The following YES1 variants were observed in gnomAD, a reference collection of about 807,000 sequenced individuals.
The protein encoded by YES1 is YES proto-oncogene 1, Src family tyrosine kinase, also known as tyrosine-protein kinase Yes.
Under a neutral mutation model 70.4 loss-of-function variants are expected in YES1, and 39 were observed. That is an observed-to-expected ratio of 0.55 (90% CI 0.43 to 0.72). The LOEUF (loss-of-function observed/expected upper bound fraction) is 0.72. Ranked by LOEUF, YES1 falls within the 30% of genes least tolerant of loss-of-function variation. The probability of loss-of-function intolerance (pLI) is 0.00; values close to 1 mark genes in which losing one functional copy is unlikely to be tolerated. For synonymous variants in YES1, 198 were observed against 218.6 expected, an observed-to-expected ratio of 0.91 and a Z score of 0.83; for missense variants, 495 against 644.8, an observed-to-expected ratio of 0.77 and a Z score of 2.52.
chr18:786,256 TG>T (rs1299791592), intron 1 of YES1, among the ~76,000 whole-genome samples: 1 of 12,544 alleles, frequency 8.0e-5, no homozygotes, highest in Non-Finnish European at 1.4e-4. Flanking sequence ...AGATAGAAGA[TG>T]GGGTGGGGGT....
chr18:755,201 C>T (rs112622843), intron 2 of YES1, among the ~76,000 whole-genome samples: 1,939 of 151,916 alleles, frequency 0.013, 15 homozygotes, highest in Admixed American at 0.02. Flanking sequence ...TGCATAACTC[C>T]CTAAATGAAG....
In YES1 at chr18:763,272, T is replaced by C. The variant is rs149152590; in HGVS notation, c.-8-6437A>G. On this transcript the variant is annotated intron_variant, in intron 1 of 11. Transcript: ENST00000314574. Reference sequence around the variant, plus strand: ...GCATTAGGAATCCAGAATTTTTGTTTTGAGGAATAGCAGAAGATATGTGTT... The same window carrying C: ...GCATTAGGAATCCAGAATTTTTGTTCTGAGGAATAGCAGAAGATATGTGTT... Among the ~76,000 whole-genome samples the C allele has an allele frequency of 5.3e-4, 81 of 152,232 alleles. 1 individual carries two copies. The highest frequency in any genetic ancestry group is 1.2e-3 in the African/African-American group (51 of 41,546).
At chr18:808,609 GTAAA>G (rs1215785859) in intron 1 of YES1, among the ~76,000 whole-genome samples, 1 of 152,164 alleles carries the variant, frequency 6.6e-6, no homozygotes, top group Non-Finnish European at 1.5e-5. Context: ...AAAACTTCCT[GTAAA>G]TATTCACACA....
chr18:773,460 C>A (rs1042919867), intron 1 of YES1, among the ~76,000 whole-genome samples: 2 of 152,104 alleles, frequency 1.3e-5, no homozygotes, highest in African/African-American at 4.8e-5. Flanking sequence ...CTTGTCACCC[C>A]CTAAAAGAAG....
intron 1 of YES1, among the ~76,000 whole-genome samples, chr18:797,633 T>A (rs139988031): frequency 6.6e-6 from 1 of 152,208 alleles, no homozygotes; most frequent in Non-Finnish European, 1.5e-5. Context: ...TCTAAACAAC[T>A]GTTAAAAATT....
At chr18:739,650 C>T (rs777029807) in intron 9 of YES1, 85 bp downstream of exon 9, 13 of 1,067,442 alleles carry the variant, frequency 1.2e-5, no homozygotes, top group Non-Finnish European at 1.7e-5. Flanking sequence ...CATTTCACTA[C>T]ACATACTATA....
At chr18:734,433 C>T (rs1257760933) in intron 10 of YES1, among the ~76,000 whole-genome samples, 1 of 150,904 alleles carries the variant, frequency 6.6e-6, no homozygotes, top group Admixed American at 6.6e-5. Context: ...GTGGCAGGCA[C>T]CTGTAGTCCC....
At chr18:799,144 T>G (rs895152377) in intron 1 of YES1, among the ~76,000 whole-genome samples, 1 of 152,202 alleles carries the variant, frequency 6.6e-6, no homozygotes, top group African/African-American at 2.4e-5. Flanking sequence ...CTTTCAAATA[T>G]TCTAACCACA....
At chr18:781,055 G>T (rs1032108599) in intron 1 of YES1, among the ~76,000 whole-genome samples, 1 of 152,082 alleles carries the variant, frequency 6.6e-6, no homozygotes, top group African/African-American at 2.4e-5. Context: ...ATCACCTGAG[G>T]TCAGGAGTTT....
chr18:748,114 AT>A, intron 3 of YES1, 96 bp from the exon 4 acceptor site: 1 of 912,828 alleles, frequency 1.1e-6, no homozygotes, highest in South Asian at 1.8e-5. Flanking sequence ...AACAAAGGGT[AT>A]TACTTTCATT....
At chr18:780,356 T>G (rs1163674706) in intron 1 of YES1, among the ~76,000 whole-genome samples, 2 of 152,186 alleles carry the variant, frequency 1.3e-5, no homozygotes, top group African/African-American at 4.8e-5. Flanking sequence ...TATGGATTAC[T>G]AAAGGATAAA....
At chr18:809,209 T>G (rs1024418716) in intron 1 of YES1, among the ~76,000 whole-genome samples, 1 of 152,186 alleles carries the variant, frequency 6.6e-6, no homozygotes, top group African/African-American at 2.4e-5. Flanking sequence ...TCTGTGAAAA[T>G]ATTAAAACAA....
intron 4 of YES1, among the ~76,000 whole-genome samples, chr18:746,735 A>G (rs2145716911): frequency 6.6e-6 from 1 of 152,338 alleles, no homozygotes; most frequent in Non-Finnish European, 1.5e-5. Context: ...ATCCCAGATA[A>G]ACTGGTTTAA....
chr18:757,066 T>C (rs2080416896), intron 1 of YES1, among the ~76,000 whole-genome samples: 1 of 152,232 alleles, frequency 6.6e-6, no homozygotes, highest in South Asian at 2.1e-4. Flanking sequence ...TCACCTTTAA[T>C]AGTCCAATGA....
intron 1 of YES1, among the ~76,000 whole-genome samples, chr18:799,675 C>G (rs995752459): frequency 3.9e-5 from 6 of 151,958 alleles, no homozygotes; most frequent in African/African-American, 1.5e-4. Flanking sequence ...TGCATTCCAG[C>G]CTGGGCAACA....
intron 1 of YES1, among the ~76,000 whole-genome samples, chr18:805,857 T>A (rs559565527): frequency 6.6e-6 from 1 of 152,272 alleles, no homozygotes; most frequent in South Asian, 2.1e-4. Flanking sequence ...TTCTACTTAA[T>A]GCTAAGAAAC....
intron 1 of YES1, among the ~76,000 whole-genome samples, chr18:791,856 A>T (rs767706980): frequency 6.6e-6 from 1 of 151,800 alleles, no homozygotes; most frequent in Non-Finnish European, 1.5e-5. Context: ...GGAGTTTGAG[A>T]ACAGCCTGAC....
At chr18:796,050 A>G (rs1280754119) in intron 1 of YES1, among the ~76,000 whole-genome samples, 1 of 152,236 alleles carries the variant, frequency 6.6e-6, no homozygotes, top group East Asian at 1.9e-4. Flanking sequence ...TTTAGAAGGT[A>G]CATTACAAAG....
chr18:757,979 C>G (rs1484750335), intron 1 of YES1, among the ~76,000 whole-genome samples: 2 of 151,964 alleles, frequency 1.3e-5, no homozygotes, highest in African/African-American at 4.8e-5. Context: ...CAATCTGGCA[C>G]ACAATGGGTA....
Sources: allele counts gnomAD v4.1 joint callset (sites outside exome capture counted in the v4.1 genomes callset), GRCh38; gene constraint gnomAD v4.1.1; transcripts MANE v1.5; gene names NCBI Gene and HGNC (gene_info 2026-07-23, HGNC 2026-07-21).